The following STK32B variants were observed in gnomAD, a reference collection of about 807,000 sequenced individuals.
STK32B encodes the protein serine/threonine-protein kinase 32B.
Under a neutral mutation model 52.6 loss-of-function variants are expected in STK32B, and 43 were observed. The observed-to-expected ratio is 0.82, with a 90% CI of 0.64 to 1.05. The LOEUF (loss-of-function observed/expected upper bound fraction) is 1.05. STK32B is among the 50% of genes least tolerant of loss of function. STK32B has a pLI of 0.00. For synonymous variants in STK32B, 238 were observed against 204.3 expected (o/e 1.17, Z -1.41); for missense variants, 621 against 534.6 (o/e 1.16, Z -1.59).
intron 3 of STK32B, among the ~76,000 whole-genome samples, chr4:5,257,299 A>G (rs912306096): frequency 6.6e-6 from 1 of 151,974 alleles, no homozygotes; most frequent in Non-Finnish European, 1.5e-5. Flanking sequence ...GAGTGAGTGA[A>G]TGAATGAATG....
chr4:5,149,036 A>G (rs1717137677), intron 2 of STK32B, among the ~76,000 whole-genome samples: 1 of 151,690 alleles, frequency 6.6e-6, no homozygotes, highest in Admixed American at 6.6e-5. Context: ...TACCCATTCT[A>G]ATCTACTTAT....
At chr4:5,172,536 C>G (rs531513972) in intron 3 of STK32B, among the ~76,000 whole-genome samples, 13 of 152,190 alleles carry the variant, frequency 8.5e-5, no homozygotes, top group African/African-American at 2.9e-4. Context: ...TGAATTTTGT[C>G]AAAGGCCTTT....
At chr4:5,258,182 G>A (rs1465526617) in intron 3 of STK32B, among the ~76,000 whole-genome samples, 2 of 152,148 alleles carry the variant, frequency 1.3e-5, no homozygotes, top group Non-Finnish European at 1.5e-5. Context: ...TGAGGATCAA[G>A]TCAGAATAAA....
intron 4 of STK32B, among the ~76,000 whole-genome samples, chr4:5,331,789 G>C (rs1246023248): frequency 6.6e-6 from 1 of 152,100 alleles, no homozygotes; most frequent in African/African-American, 2.4e-5. Context: ...GCTGTGCATC[G>C]TGGAGGATTT....
At chr4:5,100,444 TCTTC>T (rs1167602800) in intron 1 of STK32B, among the ~76,000 whole-genome samples, 13 of 139,164 alleles carry the variant, frequency 9.3e-5, no homozygotes, top group African/African-American at 3.6e-4. Flanking sequence ...CTTCCTCCTT[TCTTC>T]CTTCCTTCCC....
intron 3 of STK32B, among the ~76,000 whole-genome samples, chr4:5,265,650 G>A (rs1019977040): frequency 5.9e-5 from 9 of 151,998 alleles, no homozygotes; most frequent in Admixed American, 4.6e-4. Context: ...TTTATTTGTT[G>A]CATATTTATT....
At chr4:5,109,072 T>C (rs1714256573) in intron 1 of STK32B, among the ~76,000 whole-genome samples, 1 of 152,184 alleles carries the variant, frequency 6.6e-6, no homozygotes, top group Non-Finnish European at 1.5e-5. Flanking sequence ...CCAGCTTCCT[T>C]GTCCAGTTAA....
chr4:5,443,253 A>T (rs1485539884), intron 6 of STK32B, among the ~76,000 whole-genome samples: 20 of 147,574 alleles, frequency 1.4e-4, no homozygotes, highest in Non-Finnish European at 2.4e-4. Flanking sequence ...AATCAGACGT[A>T]GATTTGGTCT....
intron 1 of STK32B, among the ~76,000 whole-genome samples, chr4:5,069,411 G>T (rs539319030): frequency 6.0e-4 from 92 of 152,266 alleles, no homozygotes; most frequent in African/African-American, 2.2e-3. Context: ...CCAGCTTAGA[G>T]ATAGGCTATG....
At chr4:5,280,456 G>A (rs928771276) in intron 3 of STK32B, among the ~76,000 whole-genome samples, 5 of 152,178 alleles carry the variant, frequency 3.3e-5, no homozygotes, top group Admixed American at 1.3e-4. Context: ...TCGTCTCCCT[G>A]TCTTCTTCTG....
chr4:5,424,116 C>A lies in STK32B; in HGVS notation c.562+7182C>A, dbSNP rs536429488. 1.6e-3 allele frequency among the ~76,000 whole-genome samples: 242 copies of A among 152,238 alleles called. 2 individuals carry two copies. The highest frequency in any genetic ancestry group is 5.6e-3 in the African/African-American group (233 of 41,552). On this transcript the variant is annotated intron_variant, in intron 6 of 11. Transcript: ENST00000282908. ...TGGCCAAGCCTGGGTACATACCAGC[C>A]AGGTATGCACATGCTCAGGGCAGCA...
intron 1 of STK32B, among the ~76,000 whole-genome samples, chr4:5,063,794 T>C (rs1193119592): frequency 6.6e-6 from 1 of 152,252 alleles, no homozygotes; most frequent in Non-Finnish European, 1.5e-5. Context: ...AGCTAACTTA[T>C]CGAACAGCAT....
At chr4:5,036,784 C>T in the STK32B span, among the ~76,000 whole-genome samples, 1 of 149,818 alleles carries the variant, frequency 6.7e-6, no homozygotes, top group Non-Finnish European at 1.5e-5. Flanking sequence ...TCTCCTGCCT[C>T]AGCCTCCCAA....
In STK32B at chr4:5,493,139, G is replaced by T. The variant is rs545127750; in HGVS notation, c.1107-5806G>T. On this transcript the variant is annotated intron_variant, in intron 11 of 11. Coordinates refer to ENST00000282908, the MANE Select transcript of STK32B (RefSeq NM_018401.3). ...CCCTCTTTTTCTATTGATTGGAATA[G>T]TTTCAGAAGGAATGGTACTAGTTCC... Among the ~76,000 whole-genome samples the T allele has an allele frequency of 2.0e-3, 300 of 151,906 alleles. 2 individuals are homozygous for T. Among genetic ancestry groups the T allele is most frequent in the Non-Finnish European group, 3.6e-3 (246 of 68,034 alleles).
chr4:5,385,145 G>A (rs1736164742), intron 4 of STK32B, among the ~76,000 whole-genome samples: 1 of 152,122 alleles, frequency 6.6e-6, no homozygotes, highest in Admixed American at 6.5e-5. Flanking sequence ...AGGAGCAAGG[G>A]TGAGGCTTTC....
chr4:5,487,257 T>C (rs1440582244), intron 11 of STK32B, among the ~76,000 whole-genome samples: 10 of 152,188 alleles, frequency 6.6e-5, no homozygotes, highest in African/African-American at 1.9e-4. Context: ...CAGAATGGGT[T>C]TGACTGTGGT....
At chr4:5,232,440 T>A (rs1018548870) in intron 3 of STK32B, among the ~76,000 whole-genome samples, 4 of 152,252 alleles carry the variant, frequency 2.6e-5, no homozygotes, top group Admixed American at 2.6e-4. Context: ...GATTTGTTTC[T>A]TTCACAATTG....
chr4:5,288,805 C>G (rs181660287), intron 3 of STK32B, among the ~76,000 whole-genome samples: 28 of 152,222 alleles, frequency 1.8e-4, no homozygotes, highest in African/African-American at 6.3e-4. Flanking sequence ...TATCCAAGCT[C>G]TTGAAAACCT....
chr4:5,114,226 T>TGGAATAGATTCTCATAC (rs1212622008), intron 1 of STK32B, among the ~76,000 whole-genome samples: 1 of 151,776 alleles, frequency 6.6e-6, no homozygotes, highest in African/African-American at 2.4e-5. Context: ...TCCTTCTGCT[T>TGGAATAGATTCTCATAC]GGAATAGATT....
Sources: gnomAD v4.1 joint callset for allele counts (sites outside exome capture counted in the v4.1 genomes callset) on GRCh38, gnomAD v4.1.1 for gene constraint, MANE v1.5 for transcripts, NCBI Gene and HGNC (gene_info 2026-07-23, HGNC 2026-07-21) for gene names.